PIP4K2A: variants seen among roughly 807,000 people sequenced by gnomAD.
PIP4K2A encodes phosphatidylinositol 5-phosphate 4-kinase type-2 alpha.
Under a neutral mutation model 42.9 loss-of-function variants are expected in PIP4K2A, and 14 were observed. That is an observed-to-expected ratio of 0.33 (90% confidence interval 0.22 to 0.51). The LOEUF (loss-of-function observed/expected upper bound fraction) is 0.51. Among genes scored for constraint, PIP4K2A ranks in the 20% least tolerant of loss-of-function variants. The pLI is 0.97. For missense variants in PIP4K2A, 434 were observed against 519.8 expected, an observed-to-expected ratio of 0.83 and a Z score of 1.61; for synonymous variants, 192 against 192.2, an observed-to-expected ratio of 1.00 and a Z score of 0.01.
At chr10:22,658,760 C>T (rs1839149321) in intron 1 of PIP4K2A, among the ~76,000 whole-genome samples, 1 of 152,222 alleles carries the variant, frequency 6.6e-6, no homozygotes, top group African/African-American at 2.4e-5. Context: ...ATTTTACATA[C>T]ATGATCTCAA....
intron 1 of PIP4K2A, among the ~76,000 whole-genome samples, chr10:22,633,898 T>G (rs1446850268): frequency 6.6e-6 from 1 of 152,226 alleles, no homozygotes; most frequent in Non-Finnish European, 1.5e-5. Flanking sequence ...GATGCAGTGC[T>G]AGGAGCGTGG....
intron 1 of PIP4K2A, among the ~76,000 whole-genome samples, chr10:22,707,278 C>T (rs1481339304): frequency 6.6e-6 from 1 of 152,156 alleles, no homozygotes; most frequent in Non-Finnish European, 1.5e-5. Flanking sequence ...AACTGAGAGG[C>T]AAAATAACTT....
chr10:22,569,959 A>G (rs1226213838), intron 5 of PIP4K2A, among the ~76,000 whole-genome samples: 1 of 152,240 alleles, frequency 6.6e-6, no homozygotes, highest in Non-Finnish European at 1.5e-5. Context: ...AAGGGAGATG[A>G]AACTGTGAAA....
chr10:22,672,971 C>T (rs539090544), intron 1 of PIP4K2A, among the ~76,000 whole-genome samples: 3 of 152,314 alleles, frequency 2.0e-5, no homozygotes, highest in Admixed American at 6.5e-5. Flanking sequence ...GGTAAGGAAA[C>T]GGAGATCCAG....
At chr10:22,696,761 G>C (rs912858028) in intron 1 of PIP4K2A, among the ~76,000 whole-genome samples, 1 of 151,934 alleles carries the variant, frequency 6.6e-6, no homozygotes, top group Non-Finnish European at 1.5e-5. Flanking sequence ...TAAAATACTA[G>C]AACAAGGAAT....
intron 1 of PIP4K2A, among the ~76,000 whole-genome samples, chr10:22,664,246 C>T (rs1465229969): frequency 7.5e-6 from 1 of 133,004 alleles, no homozygotes; most frequent in Non-Finnish European, 1.6e-5. Context: ...CACACACACA[C>T]ACACATATAT....
intron 1 of PIP4K2A, among the ~76,000 whole-genome samples, chr10:22,611,576 A>G (rs986543802): frequency 1.3e-5 from 2 of 152,244 alleles, no homozygotes; most frequent in Admixed American, 1.3e-4. Context: ...GAGGAATGAT[A>G]GTGACAGCTG....
At chr10:22,592,947 G>A (rs959249696) in intron 3 of PIP4K2A, among the ~76,000 whole-genome samples, 7 of 152,200 alleles carry the variant, frequency 4.6e-5, no homozygotes, top group Non-Finnish European at 7.3e-5. Context: ...TCAAGTTAAG[G>A]GAACACAGAT....
intron 1 of PIP4K2A, among the ~76,000 whole-genome samples, chr10:22,625,675 G>A (rs1564447674): frequency 6.6e-6 from 1 of 152,140 alleles, no homozygotes; most frequent in East Asian, 1.9e-4. Flanking sequence ...ACATGCTCCT[G>A]GCATTTAGTT....
At chr10:22,562,987 T>G (rs903430119) in intron 6 of PIP4K2A, among the ~76,000 whole-genome samples, 2 of 152,086 alleles carry the variant, frequency 1.3e-5, no homozygotes, top group Non-Finnish European at 2.9e-5. Context: ...GGTGATGAAG[T>G]GAGGAGGAGA....
intron 1 of PIP4K2A, among the ~76,000 whole-genome samples, chr10:22,664,016 T>A (rs1202667780): frequency 2.2e-5 from 3 of 136,040 alleles, no homozygotes; most frequent in African/African-American, 8.6e-5. Context: ...GCTCTCTCTC[T>A]CTCTCCATAT....
At chr10:22,655,374 CTGTT>C (rs1839079868) in intron 1 of PIP4K2A, among the ~76,000 whole-genome samples, 1 of 152,212 alleles carries the variant, frequency 6.6e-6, no homozygotes, top group African/African-American at 2.4e-5. Flanking sequence ...AGGTGGAGGT[CTGTT>C]TGTGACTGCT....
At chr10:22,553,103 A>T (rs1217660096) in intron 6 of PIP4K2A, among the ~76,000 whole-genome samples, 2 of 152,204 alleles carry the variant, frequency 1.3e-5, no homozygotes, top group African/African-American at 4.8e-5. Flanking sequence ...GACTAAGCTG[A>T]CTTGTGAATT....
chr10:22,618,673 T>C (rs1042669643), intron 1 of PIP4K2A, among the ~76,000 whole-genome samples: 1 of 152,198 alleles, frequency 6.6e-6, no homozygotes, highest in African/African-American at 2.4e-5. Flanking sequence ...ACACAATTTA[T>C]TTCTGGAGAG....
chr10:22,544,123 G>A (rs1205435958), intron 7 of PIP4K2A, among the ~76,000 whole-genome samples: 6 of 152,126 alleles, frequency 3.9e-5, no homozygotes, highest in Non-Finnish European at 5.9e-5. Flanking sequence ...AGCTGGCATC[G>A]GAGGCCCTCC....
intron 1 of PIP4K2A, among the ~76,000 whole-genome samples, chr10:22,702,858 CA>C (rs1833742093): frequency 6.6e-6 from 1 of 152,136 alleles, no homozygotes; most frequent in Non-Finnish European, 1.5e-5. Flanking sequence ...TATCTAAACA[CA>C]CTGTTCTAGA....
At chr10:22,556,268 C>G (rs555373189) in intron 6 of PIP4K2A, among the ~76,000 whole-genome samples, 2 of 152,052 alleles carry the variant, frequency 1.3e-5, no homozygotes, top group African/African-American at 2.4e-5. Context: ...ACCTCCCTGT[C>G]GTGGCGGCTC....
In PIP4K2A at chr10:22,536,967, AAC is replaced by A. The variant is rs34780922; in HGVS notation, c.*232_*233del. On this transcript the variant is annotated 3_prime_UTR_variant, in exon 10 of 10. Transcript: ENST00000376573. ...CGCGCGCACACACTCACCCCCCCCC[AAC>A]ACACACACACACACATATACACAAA... 225,492 of 341,938 alleles carry A rather than the reference AAC, an allele frequency of 0.66. 71,431 individuals carry two copies. The highest frequency in any genetic ancestry group is 0.76 in the Admixed American group (16,389 of 21,450). The allele number at this position is 341,938 out of a possible 1,614,324, so 21.2% of individuals were successfully genotyped here.
chr10:22,674,415 CAAAAAAAA>C (rs1002492534), intron 1 of PIP4K2A, among the ~76,000 whole-genome samples: 792 of 61,124 alleles, frequency 0.013, 8 homozygotes, highest in African/African-American at 0.037. Context: ...CACTTGGGAG[CAAAAAAAA>C]AAAAAAAAAA....
Sources: allele counts gnomAD v4.1 joint callset (sites outside exome capture counted in the v4.1 genomes callset), GRCh38; gene constraint gnomAD v4.1.1; transcripts MANE v1.5; gene names NCBI Gene and HGNC (gene_info 2026-07-23, HGNC 2026-07-21).